AUTS2: variants seen among roughly 807,000 people sequenced by gnomAD.
The protein encoded by AUTS2 is autism susceptibility gene 2 protein.
A neutral mutation model predicts 112.4 loss-of-function variants in AUTS2; 17 were observed. That is an observed-to-expected ratio of 0.15 (90% CI 0.10 to 0.23). The LOEUF is 0.23. Among genes scored for constraint, AUTS2 ranks in the 10% least tolerant of loss-of-function variants. The pLI, the probability that AUTS2 is intolerant of heterozygous loss-of-function variation, is 1.00. For synonymous variants in AUTS2, 751 were observed against 702.7 expected (o/e 1.07, Z -1.09); for missense variants, 1,510 against 1,701.6 (o/e 0.89, Z 1.98).
chr7:70,711,036 A>G (rs972493719), intron 6 of AUTS2, among the ~76,000 whole-genome samples: 2 of 152,160 alleles, frequency 1.3e-5, no homozygotes, highest in Admixed American at 6.5e-5. Context: ...GTGACTTGCC[A>G]TTTCCCCGCT....
chr7:70,144,498 A>T (rs1807021856), intron 4 of AUTS2, among the ~76,000 whole-genome samples: 1 of 152,092 alleles, frequency 6.6e-6, no homozygotes, highest in Non-Finnish European at 1.5e-5. Flanking sequence ...GACCAAATGG[A>T]AGCCTTAAAC....
At chr7:70,686,216 G>A (rs949146130) in intron 5 of AUTS2, among the ~76,000 whole-genome samples, 1 of 152,210 alleles carries the variant, frequency 6.6e-6, no homozygotes, top group African/African-American at 2.4e-5. Context: ...CTATAAGAAT[G>A]TCTACTCCTA....
At chr7:69,846,253 G>A (rs1327945904) in intron 1 of AUTS2, among the ~76,000 whole-genome samples, 1 of 152,182 alleles carries the variant, frequency 6.6e-6, no homozygotes, top group Non-Finnish European at 1.5e-5. Context: ...TCTGGACTCT[G>A]TGACTCTCTT....
chr7:69,876,349 A>AAAAAATAT (rs1554396465), intron 1 of AUTS2, among the ~76,000 whole-genome samples: 2 of 29,494 alleles, frequency 6.8e-5, no homozygotes, highest in East Asian at 1.6e-3. Context: ...AAAAAAAAAA[A>AAAAAATAT]ATATATATAT....
At chr7:70,693,299 T>G (rs890987502) in intron 5 of AUTS2, among the ~76,000 whole-genome samples, 9 of 152,188 alleles carry the variant, frequency 5.9e-5, no homozygotes, top group Non-Finnish European at 1.2e-4. Context: ...ACAGACACGA[T>G]ACATGTTAGG....
intron 2 of AUTS2, among the ~76,000 whole-genome samples, chr7:69,978,910 G>GCA (rs1183027810): frequency 6.5e-5 from 7 of 108,150 alleles, no homozygotes; most frequent in African/African-American, 1.3e-4. Context: ...ACGCACACAC[G>GCA]CACACACACA....
At chr7:70,206,757 C>A (rs1810594812) in intron 4 of AUTS2, among the ~76,000 whole-genome samples, 1 of 152,120 alleles carries the variant, frequency 6.6e-6, no homozygotes, top group Admixed American at 6.5e-5. Context: ...GTGGTTATAT[C>A]AGATTTATGT....
Position 70,790,876 on chromosome 7 carries a change from T to C in AUTS2, c.3660T>C (p.Pro1220=). ...CTCCGACAGCAGCGCTGAGCGCACC[T>C]CCCCCGCTCATCTCCACGCTGGGGG... ...KTPPTAALSA[P]PPLISTLGGR... is the part of the protein sequence containing the mutation. Residue 1220 remains proline, a synonymous_variant, in exon 19 of 19, where the codon CCT becomes CCC. Coordinates refer to ENST00000342771, the MANE Select transcript of AUTS2 (RefSeq NM_015570.4). The surrounding 1 kb of genome is among the most constrained non-coding windows in gnomAD (Gnocchi z 7.6). The C allele has an allele frequency of 6.2e-7, 1 of 1,601,804 alleles. No homozygotes were observed. Among genetic ancestry groups the C allele is most frequent in the Admixed American group, 1.7e-5 (1 of 58,898 alleles).
At chr7:70,779,302 A>T (rs1319787037) in intron 14 of AUTS2, among the ~76,000 whole-genome samples, 1 of 152,180 alleles carries the variant, frequency 6.6e-6, no homozygotes, top group East Asian at 1.9e-4. Context: ...ACGTTCATTT[A>T]CGCATTCTTT....
At chr7:69,630,495 G>T (rs1388267408) in intron 1 of AUTS2, among the ~76,000 whole-genome samples, 1 of 152,132 alleles carries the variant, frequency 6.6e-6, no homozygotes, top group African/African-American at 2.4e-5. Context: ...GAATCACAGC[G>T]TGACCTTTCA....
intron 2 of AUTS2, among the ~76,000 whole-genome samples, chr7:69,982,987 C>A (rs1266753706): frequency 6.6e-6 from 1 of 152,156 alleles, no homozygotes; most frequent in Non-Finnish European, 1.5e-5. Context: ...ACAGTAAGCC[C>A]AGAATCACAT....
chr7:70,567,109 C>G (rs941509933), intron 5 of AUTS2, among the ~76,000 whole-genome samples: 5 of 152,190 alleles, frequency 3.3e-5, no homozygotes, highest in Admixed American at 6.5e-5. Context: ...TTTATACTTG[C>G]CTAACTGGGG....
At chr7:69,907,416 T>G (rs2129541459) in intron 2 of AUTS2, among the ~76,000 whole-genome samples, 1 of 152,314 alleles carries the variant, frequency 6.6e-6, no homozygotes, top group South Asian at 2.1e-4. Flanking sequence ...TTTCCAGGAC[T>G]CCCCATGGAT....
intron 4 of AUTS2, among the ~76,000 whole-genome samples, chr7:70,230,346 G>C (rs991423307): frequency 1.3e-5 from 2 of 152,024 alleles, no homozygotes; most frequent in Non-Finnish European, 2.9e-5. Flanking sequence ...GGCTGCTGTT[G>C]TCTCTACTCC....
At chr7:70,605,566 T>TTG (rs59819807) in intron 5 of AUTS2, among the ~76,000 whole-genome samples, 1 of 142,654 alleles carries the variant, frequency 7.0e-6, no homozygotes, top group South Asian at 2.2e-4. Context: ...TTTTTTTTTT[T>TTG]GGTCTTTTCT....
chr7:70,624,930 T>G (rs1341430040), intron 5 of AUTS2, among the ~76,000 whole-genome samples: 1 of 152,166 alleles, frequency 6.6e-6, no homozygotes, highest in Non-Finnish European at 1.5e-5. Context: ...GAGAGAATTT[T>G]GTCCAGCAGG....
chr7:69,655,343 TA>T (rs1292421175), intron 1 of AUTS2, among the ~76,000 whole-genome samples: 11 of 152,146 alleles, frequency 7.2e-5, no homozygotes, highest in African/African-American at 2.7e-4. Flanking sequence ...GGGCCTGTCA[TA>T]TTTTTTAAAA....
intron 5 of AUTS2, among the ~76,000 whole-genome samples, chr7:70,521,843 G>T (rs1799660079): frequency 6.6e-6 from 1 of 152,100 alleles, no homozygotes; most frequent in Admixed American, 6.5e-5. Flanking sequence ...CTGCAGCTTG[G>T]AGTCAAACAC....
At chr7:70,586,450 A>C (rs1388861493) in intron 5 of AUTS2, among the ~76,000 whole-genome samples, 4 of 147,232 alleles carry the variant, frequency 2.7e-5, no homozygotes, top group Non-Finnish European at 6.1e-5. Flanking sequence ...GGTTTCATTA[A>C]AGTAGGGGAG....
Sources: allele counts gnomAD v4.1 joint callset (sites outside exome capture counted in the v4.1 genomes callset), GRCh38; gene constraint gnomAD v4.1.1; non-coding constraint Gnocchi (gnomAD v3.1); transcripts MANE v1.5; gene names NCBI Gene and HGNC (gene_info 2026-07-23, HGNC 2026-07-21).